The following UROS variants were observed in gnomAD, a reference collection of about 807,000 sequenced individuals.
The protein encoded by UROS is uroporphyrinogen-III synthase.
A neutral mutation model predicts 33.0 loss-of-function variants in UROS; 18 were observed. The observed-to-expected ratio is 0.55, with a 90% CI of 0.38 to 0.81. UROS has a LOEUF of 0.81. Ranked by LOEUF, UROS falls within the 30% of genes least tolerant of loss-of-function variation. UROS has a pLI of 0.00. For missense variants in UROS, 293 were observed against 314.9 expected, an observed-to-expected ratio of 0.93 and a Z score of 0.53; for synonymous variants, 114 against 121.1, an observed-to-expected ratio of 0.94 and a Z score of 0.38.
downstream of UROS, among the ~76,000 whole-genome samples, chr10:125,787,339 A>T (rs992530165): frequency 6.6e-6 from 1 of 152,050 alleles, no homozygotes. Context: ...GTCTGCCTAC[A>T]GCTTGGACTT....
At chr10:125,801,419 A>G (rs1201777555) in intron 6 of UROS, among the ~76,000 whole-genome samples, 2 of 152,244 alleles carry the variant, frequency 1.3e-5, no homozygotes, top group African/African-American at 2.4e-5. Context: ...AATAGCTTTA[A>G]GCACTTACAA....
intron 5 of UROS, among the ~76,000 whole-genome samples, chr10:125,811,984 T>C (rs1026618559): frequency 2.0e-5 from 3 of 152,246 alleles, no homozygotes; most frequent in Admixed American, 2.0e-4. Flanking sequence ...AGCTTTTGCA[T>C]ACATACTGAC....
intron 6 of UROS, chr10:125,802,576 TGGCCAGAGAAGCACAG>T (rs1256579036): frequency 5.1e-5 from 52 of 1,010,934 alleles, no homozygotes; most frequent in Non-Finnish European, 6.1e-5. Flanking sequence ...GTGGCACAAG[TGGCCAGAGAAGCACAG>T]GGCCAACCGT....
rs1589970876 is a variant in UROS, at chr10:125,805,606, C to G, written c.394+1807G>C. Among the ~76,000 whole-genome samples the G allele has an allele frequency of 1.1e-4, 16 of 152,230 alleles. 1 individual carries two copies. In the South Asian group the frequency reaches 3.3e-3, roughly 32 times the overall value. ...GTGACAAGTGAGCTTGTGAAATGTG[C>G]CCAGTGTGACTGAAGAACTAAATTT... On this transcript the variant is annotated intron_variant, in intron 6 of 9. Coordinates refer to ENST00000368797, the MANE Select transcript of UROS (RefSeq NM_000375.3).
At chr10:125,814,903 G>A in intron 4 of UROS, 131 bp downstream of exon 4, 1 of 1,030,292 alleles carries the variant, frequency 9.7e-7, no homozygotes, top group Non-Finnish European at 1.5e-6. Context: ...TCCCAAGGCA[G>A]AGTCTGTGAC....
downstream of UROS, chr10:125,788,512 G>A: frequency 8.7e-7 from 1 of 1,148,134 alleles, no homozygotes; most frequent in Non-Finnish European, 1.1e-6. Context: ...GTTATCAGAG[G>A]TGGGCATACC....
rs138289281 is a variant in UROS, at chr10:125,815,342, C to T, written c.148-212G>A. Among the ~76,000 whole-genome samples the T allele has an allele frequency of 1.5e-4, 23 of 152,202 alleles. No homozygotes were observed. In the East Asian group the frequency reaches 4.2e-3, roughly 28 times the overall value. ...GGTACACAGGTGAATTCCTTATTCC[C>T]AGTATTTCCCTCAGGAAGCTCAGAG... On this transcript the variant is annotated intron_variant, in intron 3 of 9. Transcript: ENST00000368797.
downstream of UROS, chr10:125,788,523 T>C (rs1336750968): frequency 1.4e-5 from 17 of 1,186,690 alleles, no homozygotes; most frequent in Non-Finnish European, 1.7e-5. Context: ...TGGGCATACC[T>C]GTCTCCTCCC....
At chr10:125,814,240 G>A (rs1237300346) in intron 4 of UROS, among the ~76,000 whole-genome samples, 2 of 152,190 alleles carry the variant, frequency 1.3e-5, no homozygotes, top group African/African-American at 4.8e-5. Context: ...ACTCATTAAT[G>A]TCCAAATGGC....
At chr10:125,807,100 C>T (rs1019997216) in intron 6 of UROS, 7 of 378,502 alleles carry the variant, frequency 1.8e-5, no homozygotes, top group African/African-American at 1.2e-4. Flanking sequence ...TACCCACTCA[C>T]ACCTCCTGCC....
In UROS at chr10:125,803,731, C is replaced by T. The variant is rs937518904; in HGVS notation, c.394+3682G>A. Among the ~76,000 whole-genome samples, 16 of 152,188 alleles carry T rather than the reference C, an allele frequency of 1.1e-4. No homozygotes were observed. In the South Asian group the frequency reaches 3.3e-3, roughly 32 times the overall value. On this transcript the variant is annotated intron_variant, in intron 6 of 9. Transcript: ENST00000368797. Reference sequence around the variant, plus strand: ...AGGCCCCGTGCCTCAGGGCTCCGGTCAACTCTCAGAGGCTACTCAGTGCTC... The same window carrying T: ...AGGCCCCGTGCCTCAGGGCTCCGGTTAACTCTCAGAGGCTACTCAGTGCTC...
chr10:125,808,222 A>G (rs532552105), intron 5 of UROS, among the ~76,000 whole-genome samples: 112 of 152,354 alleles, frequency 7.4e-4, no homozygotes, highest in African/African-American at 2.5e-3. Context: ...GGCTCAGTCA[A>G]CACTGCTACC....
chr10:125,788,813 T>C lies in UROS; in HGVS notation c.*55A>G. The C allele has an allele frequency of 1.3e-6, 2 of 1,539,812 alleles. No individual in the cohort carries two copies. Among genetic ancestry groups the C allele is most frequent in the Non-Finnish European group, 1.8e-6 (2 of 1,141,110 alleles). The stretch of plus-strand genomic sequence containing the variant: ...GAGCCCTTGCCGATGCCTGGCTCCA[T>C]CCAGAGCCAGCCCAGCCCAGGGAGG... On this transcript the variant is annotated 3_prime_UTR_variant, in exon 10 of 10. Coordinates refer to ENST00000368797, the MANE Select transcript of UROS (RefSeq NM_000375.3).
chr10:125,794,961 G>A lies in UROS; in HGVS notation c.579C>T (p.Ile193=). The change falls in exon 9 of 10, where the codon ATC becomes ATT. Residue 193 remains isoleucine, a synonymous_variant. Coordinates refer to ENST00000368797, the MANE Select transcript of UROS (RefSeq NM_000375.3). ...TGAGGCCAGAGGGACTAAAAAATGT[G>A]ATGCTGGCTGGAACCCCCTGTGGGG... ...YYSQQGVPAS[I]TFFSPSGLTY... 1 of 1,614,196 alleles carries A rather than the reference G, an allele frequency of 6.2e-7. No individual in the cohort carries two copies. Among genetic ancestry groups the A allele is most frequent in the Non-Finnish European group, 8.5e-7 (1 of 1,180,010 alleles).
intron 7 of UROS, 118 bp downstream of exon 7, chr10:125,797,947 T>C: frequency 8.1e-7 from 1 of 1,237,662 alleles, no homozygotes; most frequent in Admixed American, 1.7e-5. Flanking sequence ...GCCTGGCTTA[T>C]CCAACCCAGC....
intron 9 of UROS, chr10:125,792,129 G>C (rs977953008): frequency 6.6e-6 from 1 of 152,054 alleles, no homozygotes; most frequent in African/African-American, 2.4e-5. Flanking sequence ...TAAATTTTAT[G>C]GTTTGTGAAT....
At chr10:125,812,091 C>G in intron 5 of UROS, 123 bp downstream of exon 5, 1 of 844,214 alleles carries the variant, frequency 1.2e-6, no homozygotes, top group Non-Finnish European at 1.9e-6. Context: ...GTATCGTATA[C>G]TTAATTAATT....
intron 5 of UROS, 78 bp downstream of exon 5, chr10:125,812,136 A>T: frequency 7.2e-7 from 1 of 1,382,302 alleles, no homozygotes; most frequent in Non-Finnish European, 1.0e-6. Context: ...TAATATTTTT[A>T]AACTGAGTTA....
chr10:125,815,412 G>A lies in UROS; in HGVS notation c.148-282C>T, dbSNP rs75045976. On this transcript the variant is annotated intron_variant, in intron 3 of 9. Transcript: ENST00000368797. Reference sequence around the variant, plus strand: ...AACACAGGGTGATAAGTGCACTGCAGCACAGAGGGGAAGCCTGACGCAGCC... The same window carrying A: ...AACACAGGGTGATAAGTGCACTGCAACACAGAGGGGAAGCCTGACGCAGCC... Among the ~76,000 whole-genome samples the A allele has an allele frequency of 8.7e-4, 132 of 152,318 alleles. No individual in the cohort carries two copies. The East Asian group carries it at 0.021, about 24-fold the overall frequency.
Sources: gnomAD v4.1 joint callset for allele counts (sites outside exome capture counted in the v4.1 genomes callset) on GRCh38, gnomAD v4.1.1 for gene constraint, MANE v1.5 for transcripts, NCBI Gene and HGNC (gene_info 2026-07-23, HGNC 2026-07-21) for gene names.